Variants in DMD observed in about 807,000 individuals in gnomAD.
DMD encodes mutant dystrophin.
In DMD, 63 loss-of-function variants were observed where a neutral mutation model predicts 330.1. That is an observed-to-expected ratio of 0.19 (90% confidence interval 0.16 to 0.24). The LOEUF (loss-of-function observed/expected upper bound fraction) is 0.24. DMD is among the 10% of genes least tolerant of loss of function. DMD has a pLI of 1.00. For missense variants in DMD, 3,344 were observed against 2,684.1 expected (o/e 1.25, Z -5.43); for synonymous variants, 1,223 against 959.8 (o/e 1.27, Z -5.07).
At chrX:32,808,899 C>G (rs1490945259) in intron 7 of DMD, among the ~76,000 whole-genome samples, 1 of 111,627 alleles carries the variant, frequency 9.0e-6, no homozygotes, top group Non-Finnish European at 1.9e-5. Flanking sequence ...GAAGGTATGA[C>G]TATGTAGCAC....
chrX:31,543,388 C>G (rs1342146248), intron 55 of DMD, among the ~76,000 whole-genome samples: 1 of 110,524 alleles, frequency 9.0e-6, no homozygotes, highest in Non-Finnish European at 1.9e-5. Flanking sequence ...CCAGGATGGT[C>G]TCGAGCTCCT....
intron 2 of DMD, among the ~76,000 whole-genome samples, chrX:32,900,603 C>T (rs1051748925): frequency 2.7e-5 from 3 of 111,350 alleles, no homozygotes; most frequent in Admixed American, 9.6e-5. Flanking sequence ...CCTCAGCCTC[C>T]CAAAACTCTG....
intron 15 of DMD, among the ~76,000 whole-genome samples, chrX:32,569,337 C>T (rs893856726): frequency 2.7e-5 from 3 of 111,962 alleles, no homozygotes; most frequent in African/African-American, 9.7e-5. Flanking sequence ...GAGTTTTCCA[C>T]CTATATTATG....
At chrX:31,442,467 C>A (rs1169414169) in intron 60 of DMD, among the ~76,000 whole-genome samples, 1 of 110,382 alleles carries the variant, frequency 9.1e-6, no homozygotes, top group Non-Finnish European at 1.9e-5. Flanking sequence ...AGAATGGCTA[C>A]ATAGTAAGCT....
intron 1 of DMD, among the ~76,000 whole-genome samples, chrX:33,284,824 AAAGT>A (rs2053405131): frequency 9.4e-6 from 1 of 105,842 alleles, no homozygotes; most frequent in Non-Finnish European, 2.0e-5. Context: ...TTGATTTTTA[AAAGT>A]AAGTAACAAC....
At chrX:32,808,977 C>T (rs1276111622) in intron 7 of DMD, among the ~76,000 whole-genome samples, 1 of 112,010 alleles carries the variant, frequency 8.9e-6, no homozygotes, top group Non-Finnish European at 1.9e-5. Flanking sequence ...TGCCTATCAA[C>T]TAAAGAAGCA....
At chrX:31,555,830 C>T (rs900473552) in intron 55 of DMD, among the ~76,000 whole-genome samples, 1 of 112,008 alleles carries the variant, frequency 8.9e-6, no homozygotes, top group Non-Finnish European at 1.9e-5. Flanking sequence ...TCTGCTTACA[C>T]TCTATTCTAA....
intron 44 of DMD, among the ~76,000 whole-genome samples, chrX:32,048,727 G>T (rs764302478): frequency 1.7e-4 from 19 of 111,056 alleles, no homozygotes; most frequent in Middle Eastern, 4.6e-3. Context: ...TTTATGGATG[G>T]ATACCTGGTA....
At chrX:31,333,405 G>A (rs868242474) in intron 61 of DMD, among the ~76,000 whole-genome samples, 3 of 61,632 alleles carry the variant, frequency 4.9e-5, no homozygotes, top group Admixed American at 4.1e-4. Context: ...TGCTGCCCCC[G>A]CCTTTTTTTT....
At chrX:32,657,556 C>A (rs961312865) in intron 9 of DMD, among the ~76,000 whole-genome samples, 1 of 111,379 alleles carries the variant, frequency 9.0e-6, no homozygotes, top group Non-Finnish European at 1.9e-5. Context: ...AAATGGGATA[C>A]CCAGTAAACA....
rs2098045121 is a variant in DMD at position 32,396,510 on chromosome X, A to G, written c.4234-6329T>C. Among the ~76,000 whole-genome samples the G allele has an allele frequency of 7.2e-5, 8 of 111,357 alleles. No homozygotes were observed. In the Admixed American group the frequency reaches 7.7e-4, roughly 11 times the overall value. Reference sequence around the variant, plus strand: ...GTGGTTAAACATATTTTGGAAATTGAAGATGAACATGTGTCTATACCACAG... The same window carrying G: ...GTGGTTAAACATATTTTGGAAATTGGAGATGAACATGTGTCTATACCACAG... On this transcript the variant is annotated intron_variant, in intron 30 of 78. Transcript: ENST00000357033.
chrX:33,311,225 C>T (rs1006295644), intron 1 of DMD, among the ~76,000 whole-genome samples: 1 of 109,316 alleles, frequency 9.1e-6, no homozygotes, highest in Non-Finnish European at 1.9e-5. Flanking sequence ...TATATATATA[C>T]ATATGCTTAA....
chrX:31,425,718 A>ACACACACACACACAC (rs1569540974), intron 60 of DMD, among the ~76,000 whole-genome samples: 1 of 108,569 alleles, frequency 9.2e-6, no homozygotes, highest in Non-Finnish European at 1.9e-5. Context: ...ACACGCACAC[A>ACACACACACACACAC]ATACAGTTAT....
chrX:32,601,730 A>G (rs2056231343), intron 12 of DMD, among the ~76,000 whole-genome samples: 1 of 109,756 alleles, frequency 9.1e-6, no homozygotes, highest in African/African-American at 3.3e-5. Flanking sequence ...TGACTTTGAG[A>G]AAGTCATCAA....
chrX:32,743,419 A>C (rs779723046), intron 7 of DMD, among the ~76,000 whole-genome samples: 1 of 111,552 alleles, frequency 9.0e-6, no homozygotes, highest in Non-Finnish European at 1.9e-5. Context: ...AGGGGGAAGT[A>C]TTCTGAAAAT....
At chrX:33,286,262 T>C (rs1014387546) in intron 1 of DMD, among the ~76,000 whole-genome samples, 4 of 111,950 alleles carry the variant, frequency 3.6e-5, no homozygotes, top group Non-Finnish European at 7.5e-5. Context: ...TAAAAAATAA[T>C]GTAGATGTTA....
At chrX:32,498,208 T>A (rs2043689903) in intron 19 of DMD, among the ~76,000 whole-genome samples, 1 of 111,238 alleles carries the variant, frequency 9.0e-6, no homozygotes, top group African/African-American at 3.3e-5. Flanking sequence ...GTAAGCTGCA[T>A]GAAAATTACA....
At chrX:32,786,484 T>C (rs887874799) in intron 7 of DMD, among the ~76,000 whole-genome samples, 23 of 111,606 alleles carry the variant, frequency 2.1e-4, no homozygotes, top group Non-Finnish European at 3.2e-4. Flanking sequence ...ATGTCATACT[T>C]GCAAGATTTG....
chrX:32,726,883 C>T (rs1320877440), intron 7 of DMD, among the ~76,000 whole-genome samples: 1 of 109,619 alleles, frequency 9.1e-6, no homozygotes, highest in Admixed American at 9.8e-5. Flanking sequence ...AAATTCTAGG[C>T]CTAACGTTTA....
Sources: allele counts gnomAD v4.1 joint callset (sites outside exome capture counted in the v4.1 genomes callset), GRCh38; gene constraint gnomAD v4.1.1; transcripts MANE v1.5; gene names NCBI Gene and HGNC (gene_info 2026-07-23, HGNC 2026-07-21).